Variants in RALYL observed in about 807,000 individuals in gnomAD.
RALYL encodes the protein RNA-binding Raly-like protein.
A neutral mutation model predicts 35.1 loss-of-function variants in RALYL; 29 were observed. The observed-to-expected ratio is 0.83, with a 90% CI of 0.61 to 1.13. RALYL has a LOEUF of 1.13. Ranked by LOEUF, RALYL falls within the 50% of genes most tolerant of loss-of-function variation. The pLI, the probability that RALYL is intolerant of heterozygous loss-of-function variation, is 0.00. For missense variants in RALYL, 359 were observed against 360.4 expected (o/e 1.00, Z 0.03); for synonymous variants, 120 against 127.6 (o/e 0.94, Z 0.40).
intron 1 of RALYL, among the ~76,000 whole-genome samples, chr8:84,478,945 G>T (rs1370679139): frequency 8.8e-6 from 1 of 113,790 alleles, no homozygotes; most frequent in Non-Finnish European, 2.0e-5. Context: ...CATTAGCCGG[G>T]CATGGTGGCG....
chr8:84,742,249 C>T (rs1240931428), intron 2 of RALYL, among the ~76,000 whole-genome samples: 1 of 151,802 alleles, frequency 6.6e-6, no homozygotes, highest in African/African-American at 2.4e-5. Flanking sequence ...TATGTAATAG[C>T]AAAATTTTCT....
chr8:84,793,532 A>G (rs1821273431), intron 3 of RALYL, among the ~76,000 whole-genome samples: 1 of 152,164 alleles, frequency 6.6e-6, no homozygotes, highest in South Asian at 2.1e-4. Flanking sequence ...TATCTCAGAG[A>G]GCATTCCAGG....
At chr8:84,184,734 G>A (rs910046009) in intron 1 of RALYL, 6 of 347,274 alleles carry the variant, frequency 1.7e-5, no homozygotes, top group African/African-American at 1.3e-4. Context: ...CGCGCCGGCC[G>A]GGCACTAGGC....
At chr8:84,633,373 CCT>C (rs921183356) in intron 2 of RALYL, among the ~76,000 whole-genome samples, 1 of 151,578 alleles carries the variant, frequency 6.6e-6, no homozygotes, top group Non-Finnish European at 1.5e-5. Context: ...TCCTTTCCCC[CCT>C]GACTTTAAAA....
intron 2 of RALYL, among the ~76,000 whole-genome samples, chr8:84,568,116 G>A (rs1297807096): frequency 6.6e-6 from 1 of 151,034 alleles, no homozygotes; most frequent in Non-Finnish European, 1.5e-5. Context: ...TGTTACATAT[G>A]TATACATGCG....
intron 2 of RALYL, chr8:84,679,871 T>A (rs1835016913): frequency 2.8e-6 from 1 of 357,466 alleles, no homozygotes; most frequent in Admixed American, 3.7e-5. Flanking sequence ...AAAATTATAC[T>A]TTAAGTTTTA....
intron 4 of RALYL, among the ~76,000 whole-genome samples, chr8:84,821,566 G>A (rs145631693): frequency 6.6e-6 from 1 of 152,290 alleles, no homozygotes; most frequent in African/African-American, 2.4e-5. Context: ...AAAAGTGCTA[G>A]CAACAGTTTT....
chr8:84,467,719 A>G (rs1331880527), intron 1 of RALYL, among the ~76,000 whole-genome samples: 8 of 151,180 alleles, frequency 5.3e-5, no homozygotes, highest in Non-Finnish European at 2.9e-5. Context: ...TGTCTCGTTG[A>G]TCTGTCTAAT....
intron 1 of RALYL, among the ~76,000 whole-genome samples, chr8:84,434,935 A>G (rs577981464): frequency 6.6e-6 from 1 of 152,206 alleles, no homozygotes; most frequent in Non-Finnish European, 1.5e-5. Flanking sequence ...TATTTCAAGT[A>G]ATAATATCTT....
chr8:84,629,352 A>G (rs1318756573), intron 2 of RALYL, among the ~76,000 whole-genome samples: 1 of 152,068 alleles, frequency 6.6e-6, no homozygotes, highest in African/African-American at 2.4e-5. Context: ...AATAATGTGA[A>G]AGTGTGGGAA....
chr8:84,248,114 C>G (rs1829477968), intron 1 of RALYL, among the ~76,000 whole-genome samples: 1 of 151,970 alleles, frequency 6.6e-6, no homozygotes, highest in East Asian at 1.9e-4. Flanking sequence ...TAGGGGAGGG[C>G]TTTATGTACC....
intron 1 of RALYL, among the ~76,000 whole-genome samples, chr8:84,452,333 C>CT (rs1181040639): frequency 2.7e-5 from 4 of 150,630 alleles, no homozygotes; most frequent in East Asian, 2.0e-4. Flanking sequence ...ATAATTCATT[C>CT]TTTTTTTGCT....
chr8:84,573,459 C>T (rs1808528734), intron 2 of RALYL, among the ~76,000 whole-genome samples: 1 of 151,696 alleles, frequency 6.6e-6, no homozygotes, highest in Admixed American at 6.6e-5. Flanking sequence ...GTATTTTCTC[C>T]TCTGACTACT....
At chr8:84,826,019 G>T (rs1320168875) in intron 4 of RALYL, among the ~76,000 whole-genome samples, 1 of 152,026 alleles carries the variant, frequency 6.6e-6, no homozygotes, top group Non-Finnish European at 1.5e-5. Context: ...GGATGTAGCT[G>T]GAGGTCATTA....
chr8:84,247,128 T>C (rs569409325), intron 1 of RALYL, among the ~76,000 whole-genome samples: 1 of 152,234 alleles, frequency 6.6e-6, no homozygotes, highest in South Asian at 2.1e-4. Flanking sequence ...TGGAAAGACA[T>C]CACAGGCAAA....
intron 3 of RALYL, among the ~76,000 whole-genome samples, chr8:84,803,794 G>C (rs1199059272): frequency 6.6e-6 from 1 of 152,188 alleles, no homozygotes; most frequent in Non-Finnish European, 1.5e-5. Context: ...AAAGTAATTA[G>C]TGCCTTCGTT....
chr8:84,861,667 C>T (rs1324792972), intron 5 of RALYL, among the ~76,000 whole-genome samples: 3 of 152,156 alleles, frequency 2.0e-5, no homozygotes, highest in Non-Finnish European at 4.4e-5. Context: ...TTTATCCTCA[C>T]GCTAGCTTCA....
At chr8:84,391,858 ACTT>A (rs1472308948) in intron 1 of RALYL, among the ~76,000 whole-genome samples, 1 of 152,026 alleles carries the variant, frequency 6.6e-6, no homozygotes, top group Non-Finnish European at 1.5e-5. Flanking sequence ...ACAAACAGTG[ACTT>A]CTGCTGAGTT....
chr8:84,210,483 T>G (rs1819220141), intron 1 of RALYL, among the ~76,000 whole-genome samples: 1 of 144,226 alleles, frequency 6.9e-6, no homozygotes, highest in African/African-American at 2.5e-5. Flanking sequence ...AAACAATACT[T>G]CATTGGCTTA....
Sources: allele counts gnomAD v4.1 joint callset (sites outside exome capture counted in the v4.1 genomes callset), GRCh38; gene constraint gnomAD v4.1.1; transcripts MANE v1.5; gene names NCBI Gene and HGNC (gene_info 2026-07-23, HGNC 2026-07-21).